The following JARID2 variants were observed in gnomAD, a reference collection of about 807,000 sequenced individuals.
The protein encoded by JARID2 is jumonji and AT-rich interaction domain containing 2, also known as protein Jumonji.
In JARID2, 21 loss-of-function variants were observed where a neutral mutation model predicts 125.6. The observed-to-expected ratio is 0.17, with a 90% CI of 0.12 to 0.24. The LOEUF (loss-of-function observed/expected upper bound fraction) is 0.24. JARID2 is among the 10% of genes least tolerant of loss of function. The pLI is 1.00. For missense variants in JARID2, 1,303 were observed against 1,639.6 expected (o/e 0.79, Z 3.55); for synonymous variants, 736 against 661.6 (o/e 1.11, Z -1.73).
intron 5 of JARID2, among the ~76,000 whole-genome samples, chr6:15,480,218 TG>T (rs1268235096): frequency 6.6e-6 from 1 of 152,208 alleles, no homozygotes; most frequent in Admixed American, 6.5e-5. Context: ...TATTTTAATT[TG>T]GGGGTTAGTT....
chr6:15,340,840 C>CTAAAA (rs1763044523), intron 1 of JARID2, among the ~76,000 whole-genome samples: 1 of 152,082 alleles, frequency 6.6e-6, no homozygotes, highest in African/African-American at 2.4e-5. Flanking sequence ...GGCCTTATGA[C>CTAAAA]CTATCTGAAG....
At chr6:15,351,756 ACTTTTGT>A (rs1381684507) in intron 1 of JARID2, among the ~76,000 whole-genome samples, 1 of 152,098 alleles carries the variant, frequency 6.6e-6, no homozygotes, top group Non-Finnish European at 1.5e-5. Context: ...AGAGGCACAC[ACTTTTGT>A]GCAGCCTTAT....
At chr6:15,458,088 G>A (rs1258858434) in intron 4 of JARID2, among the ~76,000 whole-genome samples, 1 of 152,104 alleles carries the variant, frequency 6.6e-6, no homozygotes, top group Non-Finnish European at 1.5e-5. Context: ...TGGCACACGC[G>A]GGGAAGAGGG....
chr6:15,279,616 C>T (rs933434729), intron 1 of JARID2, among the ~76,000 whole-genome samples: 1 of 152,194 alleles, frequency 6.6e-6, no homozygotes, highest in South Asian at 2.1e-4. Context: ...TGTCACTTCC[C>T]TTAGCTTTCC....
Position 15,520,171 on chromosome 6 carries a change from C to G in JARID2, c.3661C>G (p.Arg1221Gly), listed in dbSNP as rs373598286. 6.2e-7 allele frequency: 1 copy of G among 1,614,036 alleles called. No individual in the cohort carries two copies. Among genetic ancestry groups the G allele is most frequent in the South Asian group, 1.1e-5 (1 of 91,070 alleles). ...LSKPTPKRGP[R>G]KRATVDVPPS... ...TAAACCCACACCAAAAAGAGGTCCCCGCAAGAGAGCGACAGTGGACGTGCC... is the reference window on the plus strand; with the variant it reads ...TAAACCCACACCAAAAAGAGGTCCCGGCAAGAGAGCGACAGTGGACGTGCC... The change falls in exon 18 of 18, where the codon CGC becomes GGC. Residue 1221 changes from arginine to glycine, a missense_variant. Physicochemically the swap from Arg to Gly is moderately radical, Grantham distance 125 (BLOSUM62 -2). Around this residue, in one of 11 missense-constraint regions of JARID2, gnomAD observed 75 missense variants for 66.0 expected, o/e 1.14. Coordinates refer to ENST00000341776, the MANE Select transcript of JARID2 (RefSeq NM_004973.4).
At chr6:15,248,443 G>A (rs1416129944) in intron 1 of JARID2, 5 of 138,988 alleles carry the variant, frequency 3.6e-5, no homozygotes, top group African/African-American at 1.3e-4. Flanking sequence ...GGGTGGGAGC[G>A]GGGGCGGGGG....
At chr6:15,335,409 C>G (rs1762846200) in intron 1 of JARID2, among the ~76,000 whole-genome samples, 1 of 152,188 alleles carries the variant, frequency 6.6e-6, no homozygotes, top group Non-Finnish European at 1.5e-5. Context: ...CCACACCCCT[C>G]ATTTTTCACT....
At chr6:15,351,162 G>A (rs1667588461) in intron 1 of JARID2, among the ~76,000 whole-genome samples, 1 of 152,170 alleles carries the variant, frequency 6.6e-6, no homozygotes, top group Non-Finnish European at 1.5e-5. Context: ...CAGGTATGAG[G>A]AAAATAGAGG....
chr6:15,374,310 G>A (rs907514660), intron 2 of JARID2, 58 bp downstream of exon 2: 1 of 1,581,528 alleles, frequency 6.3e-7, no homozygotes, highest in Non-Finnish European at 8.7e-7. Flanking sequence ...GCGTGGACTT[G>A]TTCCTGAATT....
chr6:15,269,277 G>T (rs899464467), intron 1 of JARID2, among the ~76,000 whole-genome samples: 1 of 148,518 alleles, frequency 6.7e-6, no homozygotes, highest in African/African-American at 2.6e-5. Context: ...CATTCTTGTT[G>T]GGGGGGGCGG....
chr6:15,489,342 G>A (rs1171517608), intron 6 of JARID2, among the ~76,000 whole-genome samples: 1 of 152,198 alleles, frequency 6.6e-6, no homozygotes, highest in Non-Finnish European at 1.5e-5. Context: ...CCATCCTTGG[G>A]ATGGCGAGGC....
At chr6:15,384,517 G>T (rs543329644) in intron 2 of JARID2, among the ~76,000 whole-genome samples, 4 of 151,858 alleles carry the variant, frequency 2.6e-5, no homozygotes, top group Middle Eastern at 3.4e-3. Flanking sequence ...TAGTTTTGGT[G>T]GCCAAAACCT....
chr6:15,255,528 C>G (rs916553703), intron 1 of JARID2, among the ~76,000 whole-genome samples: 9 of 152,250 alleles, frequency 5.9e-5, no homozygotes, highest in Middle Eastern at 3.4e-3. Flanking sequence ...TGTGGGAGAT[C>G]TTCTGACACC....
intron 1 of JARID2, among the ~76,000 whole-genome samples, chr6:15,325,472 C>T (rs888903900): frequency 2.6e-4 from 40 of 152,156 alleles, no homozygotes; most frequent in African/African-American, 9.4e-4. Flanking sequence ...CTGAATTTAG[C>T]TGTGGGAATG....
At chr6:15,273,616 G>A (rs1299588363) in intron 1 of JARID2, among the ~76,000 whole-genome samples, 2 of 152,174 alleles carry the variant, frequency 1.3e-5, no homozygotes, top group African/African-American at 4.8e-5. Context: ...CAGAAGAATC[G>A]CTTGAACCTG....
At chr6:15,406,751 A>T (rs1452344617) in intron 2 of JARID2, among the ~76,000 whole-genome samples, 1 of 152,164 alleles carries the variant, frequency 6.6e-6, no homozygotes, top group Non-Finnish European at 1.5e-5. Context: ...TCTCTTCATA[A>T]AATTACCCCT....
At chr6:15,303,755 C>CGG (rs954027488) in intron 1 of JARID2, among the ~76,000 whole-genome samples, 1 of 152,142 alleles carries the variant, frequency 6.6e-6, no homozygotes, top group Non-Finnish European at 1.5e-5. Context: ...GCTTGTTGAA[C>CGG]AAGGAAATAG....
At chr6:15,328,013 C>T (rs1762589509) in intron 1 of JARID2, among the ~76,000 whole-genome samples, 1 of 152,138 alleles carries the variant, frequency 6.6e-6, no homozygotes, top group Non-Finnish European at 1.5e-5. Flanking sequence ...ACCTTTGATT[C>T]ATCTTAGTGG....
intron 1 of JARID2, among the ~76,000 whole-genome samples, chr6:15,331,266 C>G (rs1197997758): frequency 6.6e-6 from 1 of 151,590 alleles, no homozygotes; most frequent in African/African-American, 2.4e-5. Flanking sequence ...CCTAGGAGGT[C>G]AAGGCTATAA....
Sources: gnomAD v4.1 joint callset for allele counts (sites outside exome capture counted in the v4.1 genomes callset) on GRCh38, gnomAD v4.1.1 for gene constraint, gnomAD v4.1.1 regional missense constraint, MANE v1.5 for transcripts, NCBI Gene and HGNC (gene_info 2026-07-23, HGNC 2026-07-21) for gene names.